The following MTCL1 variants were observed in gnomAD, a reference collection of about 807,000 sequenced individuals.
MTCL1 encodes microtubule cross-linking factor 1.
MTCL1 carries 79 observed loss-of-function variants against 141.4 expected under a neutral mutation model. That is an observed-to-expected ratio of 0.56 (90% CI 0.47 to 0.67). The LOEUF (loss-of-function observed/expected upper bound fraction) is 0.67, where lower values mean the gene tolerates loss of function less well. Among genes scored for constraint, MTCL1 ranks in the 30% least tolerant of loss-of-function variants. The probability of loss-of-function intolerance (pLI) is 0.00; values close to 1 mark genes in which losing one functional copy is unlikely to be tolerated. For synonymous variants in MTCL1, 914 were observed against 875.8 expected, an observed-to-expected ratio of 1.04 and a Z score of -0.77; for missense variants, 2,177 against 2,113.9, an observed-to-expected ratio of 1.03 and a Z score of -0.59.
chr18:8,826,811 T>C (rs1277967479), intron 15 of MTCL1, among the ~76,000 whole-genome samples: 3 of 152,200 alleles, frequency 2.0e-5, no homozygotes, highest in South Asian at 2.1e-4. Context: ...GTGAAACATA[T>C]AGACAAAATC....
chr18:8,782,379 G>T (rs1206935541), intron 5 of MTCL1: 3 of 152,188 alleles, frequency 2.0e-5, no homozygotes, highest in African/African-American at 4.8e-5. Context: ...GGAGTGATTC[G>T]TGAAATCGGT....
exon 7 of MTCL1, chr18:8,785,984 G>T: frequency 6.2e-7 from 1 of 1,606,590 alleles, no homozygotes; most frequent in Non-Finnish European, 8.5e-7. Flanking sequence ...GGCCCGAGGG[G>T]ACGAGCGGGA....
chr18:8,796,469 C>T lies in MTCL1; in HGVS notation c.2241+7C>T, dbSNP rs1353568026. The T allele has an allele frequency of 3.7e-6, 6 of 1,613,786 alleles. No homozygotes were observed. Among genetic ancestry groups the T allele is most frequent in the South Asian group, 1.1e-5 (1 of 91,002 alleles). On this transcript the variant is annotated splice_region_variant and intron_variant, in intron 9 of 16. Coordinates refer to ENST00000359865, the Ensembl canonical transcript of MTCL1. ...AGGAGAGGAGTTCACTGAGGTAACT[C>T]CACTGTCGAATTCCTTTTATTTGCA...
intron 4 of MTCL1, among the ~76,000 whole-genome samples, chr18:8,756,407 GTGTATATGTGTA>G (rs2096399444): frequency 6.7e-6 from 1 of 149,592 alleles, no homozygotes; most frequent in Non-Finnish European, 1.5e-5. Context: ...GTATATATGT[GTGTATATGTGTA>G]TATATGTGTA....
chr18:8,815,646 TAA>T (rs112636871), intron 12 of MTCL1, among the ~76,000 whole-genome samples: 4 of 139,242 alleles, frequency 2.9e-5, no homozygotes, highest in East Asian at 2.1e-4. Context: ...ACATTAACAT[TAA>T]AAAAAAAAAA....
chr18:8,823,366 A>C (rs1469897946), intron 14 of MTCL1, among the ~76,000 whole-genome samples: 1 of 152,236 alleles, frequency 6.6e-6, no homozygotes, highest in East Asian at 1.9e-4. Flanking sequence ...CTCTGTGGGC[A>C]AAAGTGGGAG....
chr18:8,821,969 T>C (rs183162058), intron 14 of MTCL1, among the ~76,000 whole-genome samples: 2 of 152,194 alleles, frequency 1.3e-5, no homozygotes, highest in Admixed American at 1.3e-4. Flanking sequence ...TACACACCAG[T>C]TTTTTCCTCC....
At chr18:8,766,798 C>G (rs550785638) in intron 4 of MTCL1, among the ~76,000 whole-genome samples, 3 of 152,216 alleles carry the variant, frequency 2.0e-5, no homozygotes, top group African/African-American at 4.8e-5. Context: ...TGGGACTTCC[C>G]TCCCTCTGTT....
chr18:8,783,200 T>G (rs2096538460), intron 5 of MTCL1, among the ~76,000 whole-genome samples: 1 of 151,806 alleles, frequency 6.6e-6, no homozygotes, highest in African/African-American at 2.4e-5. Flanking sequence ...CGCTGGGTTT[T>G]GGGCCTCATT....
At position 8,720,511 on chromosome 18, in the gene MTCL1, T is replaced by C. The variant is rs763496625; in HGVS notation, c.357+15T>C. 2 of 1,611,862 alleles carry C rather than the reference T, an allele frequency of 1.2e-6. No homozygotes were observed. The highest frequency in any genetic ancestry group is 1.3e-5 in the African/African-American group (1 of 74,854). On this transcript the variant is annotated intron_variant, in intron 4 of 16. Transcript: ENST00000359865. ...GACTGAAAGAGGTAATCCAAAACTG[T>C]GGGGGTCCTGCCCCCTTGGATTTAA...
At chr18:8,768,388 T>A (rs555501325) in intron 4 of MTCL1, among the ~76,000 whole-genome samples, 34 of 152,348 alleles carry the variant, frequency 2.2e-4, no homozygotes, top group Middle Eastern at 3.4e-3. Context: ...ATTCACTGAG[T>A]TTTGACAACT....
chr18:8,798,363 C>T (rs2075998807), intron 10 of MTCL1, 72 bp downstream of exon 9: 12 of 1,305,380 alleles, frequency 9.2e-6, no homozygotes, highest in Admixed American at 3.7e-5. Flanking sequence ...GCATTTGGGT[C>T]GTTTTGTTTC....
chr18:8,817,093 G>A (rs558024954), intron 12 of MTCL1, among the ~76,000 whole-genome samples: 1 of 152,044 alleles, frequency 6.6e-6, no homozygotes, highest in Non-Finnish European at 1.5e-5. Context: ...CTCCTCTTTA[G>A]TCATTCTTTT....
upstream of MTCL1, chr18:8,705,606 CCGCCGT>C (rs1555621427): frequency 8.3e-6 from 10 of 1,198,712 alleles, no homozygotes; most frequent in Admixed American, 2.3e-4. This position sits in a 1 kb window ranked among gnomAD's most constrained non-coding sequence, Gnocchi z 5.2. Context: ...GCCGCCGCCG[CCGCCGT>C]CGTCGTCCGG....
chr18:8,823,422 G>T (rs767176699), intron 14 of MTCL1, among the ~76,000 whole-genome samples: 2 of 152,184 alleles, frequency 1.3e-5, no homozygotes, highest in Non-Finnish European at 1.5e-5. Flanking sequence ...CCAGGGTGTT[G>T]GCATGTGTCC....
At chr18:8,812,781 C>T in intron 11 of MTCL1, 198 bp from the exon 11 acceptor site, 4 of 613,542 alleles carry the variant, frequency 6.5e-6, no homozygotes, top group South Asian at 2.2e-5. Flanking sequence ...GCTCAGTTTA[C>T]TCACCGCTTA....
At position 8,779,153 on chromosome 18, in the gene MTCL1, G is replaced by A. The variant is rs1015221754; in HGVS notation, c.417+1261G>A. On this transcript the variant is annotated intron_variant, in intron 5 of 16. Coordinates refer to ENST00000359865, the Ensembl canonical transcript of MTCL1. This position sits in a 1 kb window ranked among gnomAD's most constrained non-coding sequence, Gnocchi z 4.1. Reference sequence around the variant, plus strand: ...CACCCGCTCAGGGTGCTGGCTGGACGGCTGACTTGCAAGCCAAAGAATATA... The same window carrying A: ...CACCCGCTCAGGGTGCTGGCTGGACAGCTGACTTGCAAGCCAAAGAATATA... Among the ~76,000 whole-genome samples the A allele has an allele frequency of 2.6e-5, 4 of 152,350 alleles. No individual in the cohort carries two copies. The highest frequency in any genetic ancestry group is 1.9e-4 in the East Asian group (1 of 5,178).
At chr18:8,760,260 G>A (rs1032974336) in intron 4 of MTCL1, among the ~76,000 whole-genome samples, 1 of 152,178 alleles carries the variant, frequency 6.6e-6, no homozygotes, top group Non-Finnish European at 1.5e-5. Context: ...AGGAGAACGG[G>A]TTCAAATCCT....
chr18:8,785,539 T>C (rs905448841), intron 6 of MTCL1, among the ~76,000 whole-genome samples: 1 of 152,228 alleles, frequency 6.6e-6, no homozygotes, highest in Non-Finnish European at 1.5e-5. Flanking sequence ...TGGCTTTGGC[T>C]GCTCGACCCA....
Sources: gnomAD v4.1 joint callset for allele counts (sites outside exome capture counted in the v4.1 genomes callset) on GRCh38, gnomAD v4.1.1 for gene constraint, Gnocchi (gnomAD v3.1) non-coding constraint, MANE v1.5 for transcripts, NCBI Gene and HGNC (gene_info 2026-07-23, HGNC 2026-07-21) for gene names.